The following ERC2 variants were observed in gnomAD, a reference collection of about 807,000 sequenced individuals.
The protein encoded by ERC2 is ERC protein 2.
Under a neutral mutation model 114.8 loss-of-function variants are expected in ERC2, and 42 were observed. That is an observed-to-expected ratio of 0.37 (90% CI 0.29 to 0.47). The LOEUF (loss-of-function observed/expected upper bound fraction) is 0.47. ERC2 is among the 20% of genes least tolerant of loss of function. The pLI, the probability that ERC2 is intolerant of heterozygous loss-of-function variation, is 0.99. For missense variants in ERC2, 939 were observed against 1,150.7 expected, an observed-to-expected ratio of 0.82 and a Z score of 2.66; for synonymous variants, 454 against 425.5, an observed-to-expected ratio of 1.07 and a Z score of -0.82.
chr3:55,923,525 AT>A (rs1228569741), intron 13 of ERC2, among the ~76,000 whole-genome samples: 1 of 152,044 alleles, frequency 6.6e-6, no homozygotes, highest in African/African-American at 2.4e-5. Flanking sequence ...TTTTGCCACA[AT>A]AAAAAAAAAG....
chr3:56,194,294 GA>G (rs1278378747), intron 3 of ERC2, among the ~76,000 whole-genome samples: 2 of 151,246 alleles, frequency 1.3e-5, no homozygotes, highest in East Asian at 1.9e-4. Flanking sequence ...ACTTTATTTG[GA>G]AAAAAAAGGT....
chr3:56,416,099 T>C (rs2061143069), intron 2 of ERC2, among the ~76,000 whole-genome samples: 1 of 152,210 alleles, frequency 6.6e-6, no homozygotes, highest in Non-Finnish European at 1.5e-5. Flanking sequence ...GGAAAAGACG[T>C]GATTTGGCCA....
At chr3:56,343,192 T>TCTCTCTCTCTCTCTCTCTCA (rs1376220124) in intron 2 of ERC2, among the ~76,000 whole-genome samples, 50 of 126,198 alleles carry the variant, frequency 4.0e-4, no homozygotes, top group African/African-American at 1.5e-3. Flanking sequence ...TCTCTCTCTC[T>TCTCTCTCTCTCTCTCTCTCA]CACACACACA....
chr3:56,393,249 T>G (rs2060191760), intron 2 of ERC2, among the ~76,000 whole-genome samples: 1 of 152,058 alleles, frequency 6.6e-6, no homozygotes, highest in Non-Finnish European at 1.5e-5. Flanking sequence ...AATACAAAAA[T>G]TAGCCAGGCA....
chr3:56,428,091 G>C (rs2061641144), intron 2 of ERC2, among the ~76,000 whole-genome samples: 1 of 152,098 alleles, frequency 6.6e-6, no homozygotes, highest in South Asian at 2.1e-4. Context: ...TAAGTCTGAG[G>C]AGTGAGTACA....
intron 12 of ERC2, among the ~76,000 whole-genome samples, chr3:55,962,889 A>G (rs1458032549): frequency 1.3e-5 from 2 of 152,330 alleles, no homozygotes; most frequent in East Asian, 3.9e-4. Flanking sequence ...ACAAAGCTCT[A>G]TGGAGCACAA....
chr3:55,982,985 G>A (rs1192174623), intron 12 of ERC2, among the ~76,000 whole-genome samples: 1 of 152,214 alleles, frequency 6.6e-6, no homozygotes, highest in Non-Finnish European at 1.5e-5. Context: ...CCAGGCGCCA[G>A]CCATCAGCTT....
chr3:55,563,183 C>T (rs556631636), intron 17 of ERC2, among the ~76,000 whole-genome samples: 1 of 152,096 alleles, frequency 6.6e-6, no homozygotes, highest in African/African-American at 2.4e-5. Flanking sequence ...GCTTCTAAAA[C>T]CTTCATTGGT....
At chr3:56,328,052 C>A (rs895837162) in intron 2 of ERC2, among the ~76,000 whole-genome samples, 4 of 152,106 alleles carry the variant, frequency 2.6e-5, no homozygotes, top group African/African-American at 9.7e-5. Flanking sequence ...GAGTTAGACC[C>A]ACCTATTTAA....
At chr3:55,977,225 T>C (rs886499698) in intron 12 of ERC2, among the ~76,000 whole-genome samples, 1 of 152,202 alleles carries the variant, frequency 6.6e-6, no homozygotes, top group African/African-American at 2.4e-5. Flanking sequence ...TATAGTCTTG[T>C]AGTGTGGAAG....
chr3:56,229,927 A>G (rs1445153885), intron 3 of ERC2, among the ~76,000 whole-genome samples: 1 of 130,254 alleles, frequency 7.7e-6, no homozygotes, highest in Non-Finnish European at 1.5e-5. Context: ...GCTGGGGTAC[A>G]GTGGCATGAT....
chr3:55,599,800 A>T (rs367804450), intron 17 of ERC2, among the ~76,000 whole-genome samples: 23 of 152,322 alleles, frequency 1.5e-4, no homozygotes, highest in African/African-American at 5.3e-4. Context: ...TTTCACCTCA[A>T]GGTTGATCTT....
intron 17 of ERC2, among the ~76,000 whole-genome samples, chr3:55,675,654 T>C (rs935868234): frequency 2.6e-5 from 4 of 152,138 alleles, no homozygotes; most frequent in African/African-American, 7.2e-5. Context: ...ACCAATTGGA[T>C]GGCTCCCCAA....
intron 3 of ERC2, among the ~76,000 whole-genome samples, chr3:56,285,647 T>C (rs2054650338): frequency 2.0e-5 from 3 of 152,356 alleles, no homozygotes; most frequent in Admixed American, 2.0e-4. Context: ...GCTGTCCTCC[T>C]GACCAAATTC....
intron 2 of ERC2, among the ~76,000 whole-genome samples, chr3:56,372,612 C>T (rs1476295416): frequency 1.3e-5 from 2 of 152,026 alleles, no homozygotes; most frequent in African/African-American, 4.8e-5. Context: ...CTGTTGTCCC[C>T]CGCTACTCAG....
intron 4 of ERC2, among the ~76,000 whole-genome samples, chr3:56,159,464 C>T (rs1360810443): frequency 6.6e-6 from 1 of 152,130 alleles, no homozygotes; most frequent in African/African-American, 2.4e-5. Flanking sequence ...CTCTAAACTA[C>T]TATAAACTTT....
In ERC2 at chr3:55,996,067, A is replaced by G. The variant is rs147249794; in HGVS notation, c.2062-3817T>C. 3.8e-3 allele frequency among the ~76,000 whole-genome samples: 576 copies of G among 152,376 alleles called. 1 individual carries two copies. Among genetic ancestry groups the G allele is most frequent in the African/African-American group, 0.013 (545 of 41,592 alleles). ...TTAGACACTACAGCGAAAAAAGCAG[A>G]TTTGAATAAATCATGATCACAGTAA... On this transcript the variant is annotated intron_variant, in intron 10 of 17. Transcript: ENST00000288221.
chr3:55,896,808 T>C (rs1436851197), intron 13 of ERC2, among the ~76,000 whole-genome samples: 2 of 152,240 alleles, frequency 1.3e-5, no homozygotes, highest in Non-Finnish European at 2.9e-5. Context: ...TCAAGCTAGA[T>C]GTTGATTTAG....
At chr3:56,158,520 C>G (rs1206387754) in intron 4 of ERC2, among the ~76,000 whole-genome samples, 1 of 152,110 alleles carries the variant, frequency 6.6e-6, no homozygotes, top group East Asian at 1.9e-4. Context: ...GATGGAGAGG[C>G]AAAGGATTCC....
Sources: gnomAD v4.1 joint callset for allele counts (sites outside exome capture counted in the v4.1 genomes callset) on GRCh38, gnomAD v4.1.1 for gene constraint, MANE v1.5 for transcripts, NCBI Gene and HGNC (gene_info 2026-07-23, HGNC 2026-07-21) for gene names.